The following HMCN1 variants were observed in gnomAD, a reference collection of about 807,000 sequenced individuals.
The protein encoded by HMCN1 is hemicentin-1.
Under a neutral mutation model 625.9 loss-of-function variants are expected in HMCN1, and 321 were observed. The ratio of observed to expected loss-of-function variants is 0.51; its 90% CI spans 0.47 to 0.56. The LOEUF (loss-of-function observed/expected upper bound fraction) is 0.56, where lower values mean the gene tolerates loss of function less well. HMCN1 is among the 20% of genes least tolerant of loss of function. HMCN1 has a pLI of 0.00. For missense variants in HMCN1, 6,588 were observed against 6,887.3 expected (o/e 0.96, Z 1.54); for synonymous variants, 2,425 against 2,417.6 (o/e 1.00, Z -0.09).
chr1:185,767,385 G>C (rs990650394), intron 1 of HMCN1, among the ~76,000 whole-genome samples: 4 of 152,070 alleles, frequency 2.6e-5, no homozygotes, highest in Non-Finnish European at 5.9e-5. Flanking sequence ...CAGTTAAATG[G>C]TATCAGCTTT....
chr1:185,846,394 C>T (rs1183132051), intron 2 of HMCN1, among the ~76,000 whole-genome samples: 1 of 152,104 alleles, frequency 6.6e-6, no homozygotes, highest in Non-Finnish European at 1.5e-5. Flanking sequence ...GTTTGCTGAC[C>T]CCTGCTCTAC....
intron 63 of HMCN1, 78 bp downstream of exon 63, chr1:186,088,833 G>C: frequency 7.4e-7 from 1 of 1,356,008 alleles, no homozygotes; most frequent in South Asian, 1.3e-5. Context: ...ACATTTAAAG[G>C]TATCAGTAGT....
chr1:186,128,775 C>T (rs768214409), intron 83 of HMCN1, among the ~76,000 whole-genome samples: 1 of 151,956 alleles, frequency 6.6e-6, no homozygotes, highest in African/African-American at 2.4e-5. Flanking sequence ...AAGTTAAGGT[C>T]GTGTCTGGAA....
rs1653450294 is a variant in HMCN1, at chr1:185,734,879, G to A, written c.100G>A (p.Glu34Lys). ...CCCCCAGTCAGAGATCAGAGCTGAG[G>A]AAATTCCCGAGGGGGCCTCCACGTT... Reference protein sequence around the residue: ...ASPQSEIRAEEIPEGASTLAF... With the variant: ...ASPQSEIRAEKIPEGASTLAF... Residue 34 changes from glutamate to lysine, a missense_variant, in exon 1 of 107, where the codon GAA becomes AAA. Glu to Lys is a moderately conservative substitution (Grantham distance 56). Around this residue, in one of 3 missense-constraint regions of HMCN1, gnomAD observed 4,628 missense variants for 4,853.1 expected, o/e 0.95. Coordinates refer to ENST00000271588, the MANE Select transcript of HMCN1 (RefSeq NM_031935.3). 6.8e-6 allele frequency: 11 copies of A among 1,613,814 alleles called. No individual in the cohort carries two copies. Among genetic ancestry groups the A allele is most frequent in the Admixed American group, 1.7e-5 (1 of 59,996 alleles).
At chr1:185,911,551 T>TA in intron 5 of HMCN1, 123 bp from the exon 6 acceptor site, 1 of 816,154 alleles carries the variant, frequency 1.2e-6, no homozygotes, top group Non-Finnish European at 2.2e-6. Flanking sequence ...CACACTTTGG[T>TA]AAAAAATGAG....
intron 1 of HMCN1, among the ~76,000 whole-genome samples, chr1:185,769,918 G>A (rs1571325532): frequency 6.6e-6 from 1 of 152,108 alleles, no homozygotes; most frequent in East Asian, 1.9e-4. Flanking sequence ...ACCCTCTTAA[G>A]TCTATTCTTG....
At chr1:185,895,883 C>T (rs16824669) in intron 4 of HMCN1, among the ~76,000 whole-genome samples, 9,655 of 152,068 alleles carry the variant, frequency 0.063, 1,084 homozygotes, top group African/African-American at 0.22. Context: ...TATAAATTGC[C>T]ACATTTGGTT....
chr1:185,906,951 ATT>A (rs573094693), intron 4 of HMCN1, among the ~76,000 whole-genome samples: 29 of 108,614 alleles, frequency 2.7e-4, no homozygotes, highest in Non-Finnish European at 2.3e-4. Context: ...AATCCTTTCT[ATT>A]TTTTTTTTTT....
intron 4 of HMCN1, among the ~76,000 whole-genome samples, chr1:185,905,211 A>G (rs909493785): frequency 2.0e-5 from 3 of 151,720 alleles, no homozygotes; most frequent in African/African-American, 7.2e-5. Flanking sequence ...AAGACCTGAT[A>G]TAAAATTCTT....
At chr1:185,867,343 G>A (rs1253887378) in intron 4 of HMCN1, among the ~76,000 whole-genome samples, 1 of 152,128 alleles carries the variant, frequency 6.6e-6, no homozygotes, top group Non-Finnish European at 1.5e-5. Context: ...TGGGAAGAAA[G>A]GGATTGGGGA....
At chr1:185,902,558 T>A (rs527372215) in intron 4 of HMCN1, among the ~76,000 whole-genome samples, 1 of 151,742 alleles carries the variant, frequency 6.6e-6, no homozygotes, top group Non-Finnish European at 1.5e-5. Flanking sequence ...ATGTAACTAC[T>A]ATACCTGTAT....
chr1:185,833,743 T>C (rs897148647), intron 1 of HMCN1, among the ~76,000 whole-genome samples: 2 of 152,164 alleles, frequency 1.3e-5, no homozygotes, highest in South Asian at 2.1e-4. Flanking sequence ...ACCATAATTA[T>C]AATATTTTAA....
In HMCN1 at chr1:186,088,730, G is replaced by T. The variant is rs780860339; in HGVS notation, c.9702G>T (p.Gln3234His). ...CIASNMEGKA[Q>H]KYYFLSIQVP... The stretch of plus-strand genomic sequence containing the variant: ...CTTCAAATATGGAGGGAAAAGCCCA[G>T]AAATATTACTTTCTTTCAATTCAAG... Residue 3234 changes from glutamine to histidine, a missense_variant, in exon 63 of 107, where the codon CAG (glutamine) becomes CAT (histidine). By Grantham distance (24) the Gln-to-His change is conservative (BLOSUM62 0). Coordinates refer to ENST00000271588, the MANE Select transcript of HMCN1 (RefSeq NM_031935.3). 1 of 1,609,812 alleles carries T rather than the reference G, an allele frequency of 6.2e-7. No individual in the cohort carries two copies. The highest frequency in any genetic ancestry group is 8.5e-7 in the Non-Finnish European group (1 of 1,177,378).
chr1:186,016,254 C>T lies in HMCN1; in HGVS notation c.5191+15C>T, dbSNP rs1176451830. On this transcript the variant is annotated intron_variant, in intron 32 of 106. Coordinates refer to ENST00000271588, the MANE Select transcript of HMCN1 (RefSeq NM_031935.3). ...TGATGTCTTGGGTAAATAAGGATGC[C>T]ACTGCCTGGGTTCTCAGATTCATAG... The T allele has an allele frequency of 2.5e-6, 4 of 1,609,022 alleles. No homozygotes were observed. The African/African-American group carries it at 4.0e-5, about 16-fold the overall frequency.
At position 186,078,110 on chromosome 1, in the gene HMCN1, G is replaced by A. The variant is rs749154171; in HGVS notation, c.8489G>A (p.Gly2830Glu). 28 of 1,610,160 alleles carry A rather than the reference G, an allele frequency of 1.7e-5. No homozygotes were observed. In the Admixed American group the frequency reaches 3.3e-4, roughly 19 times the overall value. The change falls in exon 55 of 107, where the codon GGG becomes GAG. Residue 2830 changes from glycine to glutamate, a missense_variant. Coordinates refer to ENST00000271588, the MANE Select transcript of HMCN1 (RefSeq NM_031935.3). ...CATAGTGGGATATTATTTTCAGGAGGGCGAGTGTTGCAGATTCCTCGGGCT... is the reference window on the plus strand; with the variant it reads ...CATAGTGGGATATTATTTTCAGGAGAGCGAGTGTTGCAGATTCCTCGGGCT... ...SSDKVLILPGGRVLQIPRAKV... is the reference protein window; with the variant it reads ...SSDKVLILPGERVLQIPRAKV...
At chr1:186,100,974 C>T (rs1197359752) in intron 68 of HMCN1, among the ~76,000 whole-genome samples, 2 of 152,094 alleles carry the variant, frequency 1.3e-5, no homozygotes, top group East Asian at 1.9e-4. Context: ...TTCTTACAAG[C>T]CCCACAAAAC....
intron 4 of HMCN1, among the ~76,000 whole-genome samples, chr1:185,896,015 A>C (rs574340922): frequency 4.6e-5 from 7 of 151,712 alleles, no homozygotes; most frequent in African/African-American, 7.3e-5. Flanking sequence ...GGCTCACTGC[A>C]AGCTCTGCCT....
intron 101 of HMCN1, among the ~76,000 whole-genome samples, 161 bp from the exon 102 acceptor site, chr1:186,171,845 G>A (rs1394194606): frequency 6.6e-6 from 1 of 152,106 alleles, no homozygotes; most frequent in African/African-American, 2.4e-5. Flanking sequence ...ATTTTAAAGT[G>A]TGTTACATAC....
intron 89 of HMCN1, 36 bp downstream of exon 89, chr1:186,138,008 C>G (rs769592801): frequency 1.2e-6 from 2 of 1,608,918 alleles, no homozygotes; most frequent in Non-Finnish European, 1.7e-6. Context: ...ATAAACAAAA[C>G]TTTTCTATCT....
Sources: allele counts gnomAD v4.1 joint callset (sites outside exome capture counted in the v4.1 genomes callset), GRCh38; gene constraint gnomAD v4.1.1; regional missense constraint gnomAD v4.1.1; transcripts MANE v1.5; gene names NCBI Gene and HGNC (gene_info 2026-07-23, HGNC 2026-07-21).